XIRP2: variants seen among roughly 807,000 people sequenced by gnomAD.
XIRP2 encodes xin actin-binding repeat-containing protein 2.
XIRP2 carries 236 observed loss-of-function variants against 277.0 expected under a neutral mutation model. The ratio of observed to expected loss-of-function variants is 0.85; its 90% CI spans 0.77 to 0.95. The LOEUF is 0.95. XIRP2 is among the 40% of genes least tolerant of loss of function. The pLI, the probability that XIRP2 is intolerant of heterozygous loss-of-function variation, is 0.00. For synonymous variants in XIRP2, 1,490 were observed against 1,416.5 expected, an observed-to-expected ratio of 1.05 and a Z score of -1.17; for missense variants, 4,640 against 4,157.5, an observed-to-expected ratio of 1.12 and a Z score of -3.19.
chr2:167,244,114 G>A lies in XIRP2; in HGVS notation c.2722G>A (p.Asp908Asn), dbSNP rs1156566447. ...CACTGCCTCTGAAGAAGAAAAAGGGGATGTTAGGCATCAAAAATGGATTTT... is the reference window on the plus strand; with the variant it reads ...CACTGCCTCTGAAGAAGAAAAAGGGAATGTTAGGCATCAAAAATGGATTTT... ...KITASEEEKGDVRHQKWIFET... is the reference protein window; with the variant it reads ...KITASEEEKGNVRHQKWIFET... The change falls in exon 9 of 11, where the codon GAT becomes AAT. Residue 908 changes from aspartate to asparagine, a missense_variant. Transcript: ENST00000409195. The A allele has an allele frequency of 1.2e-6, 2 of 1,613,842 alleles. No individual in the cohort carries two copies. Among genetic ancestry groups the A allele is most frequent in the East Asian group, 4.5e-5 (2 of 44,856 alleles).
Position 167,250,915 on chromosome 2 carries a change from C to G in XIRP2, c.9523C>G (p.Pro3175Ala). ...IHRANTSPSP[P>A]RSRSEQLVRL... ...CAGAGCAAACACTTCCCCTTCTCCA[C>G]CCAGGAGTCGCTCTGAACAACTTGT... The change falls in exon 9 of 11, where the codon CCC becomes GCC. Residue 3175 changes from proline to alanine, a missense_variant. By Grantham distance (27) the Pro-to-Ala change is conservative (BLOSUM62 -1). Transcript: ENST00000409195. 1 of 1,613,550 alleles carries G rather than the reference C, an allele frequency of 6.2e-7. No homozygotes were observed. Among genetic ancestry groups the G allele is most frequent in the Non-Finnish European group, 8.5e-7 (1 of 1,179,700 alleles).
At chr2:167,065,241 T>A (rs1373449285) in intron 2 of XIRP2, among the ~76,000 whole-genome samples, 2 of 151,926 alleles carry the variant, frequency 1.3e-5, no homozygotes, top group Non-Finnish European at 2.9e-5. Context: ...AATTTTTATT[T>A]TCTTAATAAA....
At chr2:166,937,729 C>A (rs1383369398) in intron 2 of XIRP2, among the ~76,000 whole-genome samples, 1 of 152,120 alleles carries the variant, frequency 6.6e-6, no homozygotes, top group African/African-American at 2.4e-5. Flanking sequence ...TGGTCCTGGA[C>A]ATTTTTTGGT....
intron 2 of XIRP2, among the ~76,000 whole-genome samples, chr2:166,967,054 T>A (rs1464454497): frequency 1.3e-5 from 2 of 151,962 alleles, no homozygotes; most frequent in African/African-American, 4.8e-5. Context: ...GTATTCTTCC[T>A]TCCTGCTTTG....
intron 4 of XIRP2, among the ~76,000 whole-genome samples, chr2:167,212,694 C>A (rs1286482522): frequency 6.6e-6 from 1 of 152,178 alleles, no homozygotes; most frequent in Non-Finnish European, 1.5e-5. Flanking sequence ...TAACTGAATT[C>A]AACTTCTTCC....
chr2:167,065,957 C>T (rs1407619936), intron 2 of XIRP2, among the ~76,000 whole-genome samples: 1 of 151,930 alleles, frequency 6.6e-6, no homozygotes, highest in Non-Finnish European at 1.5e-5. Context: ...AAAAGCAGTA[C>T]ACACTTACAC....
intron 2 of XIRP2, among the ~76,000 whole-genome samples, chr2:167,049,103 C>A (rs768650363): frequency 5.3e-5 from 8 of 151,520 alleles, no homozygotes; most frequent in East Asian, 1.9e-4. Flanking sequence ...TCAATGAGTT[C>A]TTTTTCTCTC....
chr2:166,927,799 G>A (rs950733013), intron 2 of XIRP2, among the ~76,000 whole-genome samples: 28 of 152,092 alleles, frequency 1.8e-4, no homozygotes, highest in Non-Finnish European at 3.4e-4. Context: ...ATGTGTGTGT[G>A]GGGGGATGGA....
intron 2 of XIRP2, among the ~76,000 whole-genome samples, chr2:167,130,650 C>G (rs553839957): frequency 6.6e-6 from 1 of 151,836 alleles, no homozygotes; most frequent in African/African-American, 2.4e-5. Context: ...TCCAGTTTAC[C>G]CTTTCTTTTC....
At chr2:166,996,276 C>A (rs1687218169) in intron 2 of XIRP2, among the ~76,000 whole-genome samples, 1 of 152,140 alleles carries the variant, frequency 6.6e-6, no homozygotes, top group South Asian at 2.1e-4. Context: ...GCCCAGAGTA[C>A]AAACTTGCAA....
At chr2:167,046,478 C>G (rs1347020611) in intron 2 of XIRP2, among the ~76,000 whole-genome samples, 1 of 148,296 alleles carries the variant, frequency 6.7e-6, no homozygotes. Context: ...TGTATGCATG[C>G]TCATCACAGC....
chr2:167,020,080 C>T (rs994705656), intron 2 of XIRP2, among the ~76,000 whole-genome samples: 3 of 151,948 alleles, frequency 2.0e-5, no homozygotes, highest in Non-Finnish European at 4.4e-5. Context: ...TTACACTAAT[C>T]AACTTGTTTC....
chr2:166,940,564 C>T (rs1209965847), intron 2 of XIRP2, among the ~76,000 whole-genome samples: 1 of 152,174 alleles, frequency 6.6e-6, no homozygotes, highest in African/African-American at 2.4e-5. Context: ...GTTTTTCCCC[C>T]ATCTTTGTAG....
chr2:166,995,090 C>T (rs1245794472), intron 2 of XIRP2, among the ~76,000 whole-genome samples: 1 of 152,068 alleles, frequency 6.6e-6, no homozygotes, highest in Non-Finnish European at 1.5e-5. Flanking sequence ...CCATGTTGGC[C>T]AGGGTGGTCT....
intron 2 of XIRP2, among the ~76,000 whole-genome samples, chr2:166,998,162 T>C (rs1186688687): frequency 6.6e-6 from 1 of 152,200 alleles, no homozygotes; most frequent in Non-Finnish European, 1.5e-5. Flanking sequence ...TTTGCTATTG[T>C]GAATAGTGCT....
chr2:167,208,159 T>C (rs780640961), intron 3 of XIRP2, among the ~76,000 whole-genome samples: 20 of 152,176 alleles, frequency 1.3e-4, no homozygotes, highest in Non-Finnish European at 2.6e-4. Context: ...TGCAACAAAA[T>C]GATTTTGTTG....
At position 167,246,629 on chromosome 2, in the gene XIRP2, T is replaced by C. The variant is rs867631869; in HGVS notation, c.5237T>C (p.Phe1746Ser). 2 of 1,613,778 alleles carry C rather than the reference T, an allele frequency of 1.2e-6. No homozygotes were observed. Among genetic ancestry groups the C allele is most frequent in the Non-Finnish European group, 1.7e-6 (2 of 1,179,838 alleles). ...TCTGAGAGAGGAAATGTTCAGTTTT[T>C]CACAACCTGCATAGAAGCTGGAGCT... is the stretch of plus-strand genomic sequence containing the variant. ...DASERGNVQFFTTCIEAGALD... is the reference protein window; with the variant it reads ...DASERGNVQFSTTCIEAGALD... Residue 1746 changes from phenylalanine (F) to serine (S), a missense_variant, in exon 9 of 11, where the codon TTC (phenylalanine) becomes TCC (serine). By Grantham distance (155) the Phe-to-Ser change is radical. Coordinates refer to ENST00000409195, the MANE Select transcript of XIRP2 (RefSeq NM_152381.6).
intron 2 of XIRP2, among the ~76,000 whole-genome samples, chr2:167,035,452 A>C (rs900987986): frequency 2.0e-5 from 3 of 152,172 alleles, no homozygotes; most frequent in Admixed American, 1.3e-4. Context: ...TGTTTTGGCA[A>C]AGAGACTGGA....
Position 167,245,902 on chromosome 2 carries a change from G to A in XIRP2, c.4510G>A (p.Glu1504Lys). ...AAATCGAACTTTCGATTCTATTATG[G>A]AAGCACATAAAGGTATCACAAAAAT... ...FENRTFDSIM[E>K]AHKGITKMTK... Residue 1504 changes from glutamate to lysine, a missense_variant, in exon 9 of 11, where the codon GAA becomes AAA. Coordinates refer to ENST00000409195, the MANE Select transcript of XIRP2 (RefSeq NM_152381.6). The A allele has an allele frequency of 1.9e-6, 3 of 1,613,668 alleles. No individual in the cohort carries two copies. The highest frequency in any genetic ancestry group is 2.5e-6 in the Non-Finnish European group (3 of 1,179,766).
Sources: gnomAD v4.1 joint callset for allele counts (sites outside exome capture counted in the v4.1 genomes callset) on GRCh38, gnomAD v4.1.1 for gene constraint, MANE v1.5 for transcripts, NCBI Gene and HGNC (gene_info 2026-07-23, HGNC 2026-07-21) for gene names.